The following CALN1 variants were observed in gnomAD, a reference collection of about 807,000 sequenced individuals.
CALN1 encodes calneuron 1.
In CALN1, 17 loss-of-function variants were observed where a neutral mutation model predicts 30.6. That is an observed-to-expected ratio of 0.56 (90% CI 0.38 to 0.83). CALN1 has a LOEUF of 0.83. Ranked by LOEUF, CALN1 falls within the 40% of genes least tolerant of loss-of-function variation. CALN1 has a pLI of 0.00. For synonymous variants in CALN1, 156 were observed against 131.4 expected (o/e 1.19, Z -1.28); for missense variants, 291 against 354.9 (o/e 0.82, Z 1.45).
At chr7:71,849,629 C>A (rs1790522315) in intron 5 of CALN1, among the ~76,000 whole-genome samples, 1 of 151,966 alleles carries the variant, frequency 6.6e-6, no homozygotes. Flanking sequence ...AAGAAAAGGT[C>A]TTCTATATTA....
chr7:72,052,213 G>GT (rs1364174444), intron 4 of CALN1, among the ~76,000 whole-genome samples: 2 of 152,262 alleles, frequency 1.3e-5, no homozygotes, highest in East Asian at 3.9e-4. Context: ...GTTTCCTTGT[G>GT]TGGCAGCAAT....
At chr7:72,136,383 T>G (rs4719215) in intron 3 of CALN1, among the ~76,000 whole-genome samples, 27,289 of 151,982 alleles carry the variant, frequency 0.18, 2,661 homozygotes, top group East Asian at 0.29. Context: ...CTTCCTTTCC[T>G]CTCTCAGCCT....
intron 6 of CALN1, among the ~76,000 whole-genome samples, chr7:71,799,990 C>A (rs1787209359): frequency 6.6e-6 from 1 of 152,200 alleles, no homozygotes; most frequent in South Asian, 2.1e-4. Flanking sequence ...CACAGGAGAA[C>A]TGCGAACAGA....
chr7:72,243,059 G>C lies in CALN1; in HGVS notation c.244+35627C>G, dbSNP rs573092954. ...TAACCAGTAATCCAGATAAAGGGAA[G>C]TGATGCGGAGTGAATGCTTGAAGCC... On this transcript the variant is annotated intron_variant, in intron 3 of 6. Transcript: ENST00000395275. 7.9e-5 allele frequency among the ~76,000 whole-genome samples: 12 copies of C among 152,340 alleles called. No individual in the cohort carries two copies. The South Asian group carries it at 2.5e-3, about 32-fold the overall frequency.
chr7:72,209,346 T>C (rs1383040464), intron 3 of CALN1, among the ~76,000 whole-genome samples: 145 of 39,942 alleles, frequency 3.6e-3, no homozygotes, highest in Non-Finnish European at 5.2e-3. Context: ...CCCTCTTTCC[T>C]TCCCTCCTTC....
At chr7:72,048,822 C>T (rs900633327) in intron 4 of CALN1, among the ~76,000 whole-genome samples, 3 of 150,762 alleles carry the variant, frequency 2.0e-5, no homozygotes, top group Non-Finnish European at 3.0e-5. Flanking sequence ...CTCTTTCTTT[C>T]GACAGGGTCT....
At chr7:72,181,110 C>CCA (rs1491092308) in intron 3 of CALN1, among the ~76,000 whole-genome samples, 22 of 28,584 alleles carry the variant, frequency 7.7e-4, no homozygotes, top group Non-Finnish European at 1.7e-3. Flanking sequence ...CCCCCCCCCC[C>CCA]AAAAAAAAAA....
intron 3 of CALN1, among the ~76,000 whole-genome samples, chr7:72,274,785 A>AATGG (rs1797232388): frequency 6.6e-6 from 1 of 152,138 alleles, no homozygotes; most frequent in Non-Finnish European, 1.5e-5. Context: ...AATGAATAAA[A>AATGG]ATGGATGAAT....
intron 6 of CALN1, among the ~76,000 whole-genome samples, chr7:71,800,361 C>A (rs142362015): frequency 2.4e-4 from 37 of 152,260 alleles, no homozygotes; most frequent in South Asian, 1.9e-3. Context: ...GGCTGCCTGG[C>A]CTGTGTCACC....
chr7:72,100,307 A>G (rs1420593443), intron 4 of CALN1, among the ~76,000 whole-genome samples: 1 of 151,742 alleles, frequency 6.6e-6, no homozygotes, highest in Non-Finnish European at 1.5e-5. Context: ...TCAGCCTCCC[A>G]AGTAGCTGGG....
intron 2 of CALN1, among the ~76,000 whole-genome samples, chr7:72,379,748 TTCTA>T (rs925490818): frequency 2.0e-5 from 3 of 152,240 alleles, no homozygotes; most frequent in Non-Finnish European, 4.4e-5. Context: ...TGTTTTAGCA[TTCTA>T]TCTGTCTAAT....
chr7:72,405,583 A>G (rs548939917), intron 1 of CALN1, among the ~76,000 whole-genome samples: 9 of 152,192 alleles, frequency 5.9e-5, no homozygotes, highest in African/African-American at 1.9e-4. Context: ...ACACATGCCT[A>G]TGACTCATCT....
intron 5 of CALN1, among the ~76,000 whole-genome samples, chr7:71,930,360 T>C (rs923344839): frequency 2.0e-5 from 3 of 152,230 alleles, no homozygotes; most frequent in Admixed American, 1.3e-4. Flanking sequence ...ACTGGCCTTT[T>C]GTGTATCTTC....
At chr7:72,397,712 T>TCACACA (rs1248212217) in intron 2 of CALN1, among the ~76,000 whole-genome samples, 1,743 of 70,218 alleles carry the variant, frequency 0.025, 24 homozygotes, top group African/African-American at 0.06. Flanking sequence ...ACCCATTCTC[T>TCACACA]CTCACACACA....
rs1809517376 is a variant in CALN1 at position 72,136,411 on chromosome 7, G to T, written c.245-30117C>A. Among the ~76,000 whole-genome samples, 2 of 152,010 alleles carry T rather than the reference G, an allele frequency of 1.3e-5. 1 individual carries two copies. ...CTCAGCCTTCATAGAATTGAAAAGA[G>T]TTGGGGCCTTGCTCACTCTGGATTA... is the stretch of plus-strand genomic sequence containing the variant. On this transcript the variant is annotated intron_variant, in intron 3 of 6. Transcript: ENST00000395275.
At chr7:72,453,997 T>A in the CALN1 span, among the ~76,000 whole-genome samples, 197 of 147,700 alleles carry the variant, frequency 1.3e-3, 1 homozygote, top group African/African-American at 4.3e-3. Flanking sequence ...CCAAAAAATA[T>A]ATATATATAT....
intron 5 of CALN1, among the ~76,000 whole-genome samples, chr7:71,869,192 T>C (rs1791774815): frequency 6.6e-6 from 1 of 152,114 alleles, no homozygotes; most frequent in Non-Finnish European, 1.5e-5. Context: ...CATTCAACTT[T>C]TTCAAGACCT....
intron 2 of CALN1, among the ~76,000 whole-genome samples, chr7:72,291,373 G>A (rs1332811276): frequency 2.0e-5 from 3 of 152,148 alleles, no homozygotes; most frequent in Admixed American, 6.5e-5. Context: ...GTTGAGGGGA[G>A]GAACCCCAGC....
chr7:72,147,713 G>T (rs1168768010), intron 3 of CALN1, among the ~76,000 whole-genome samples: 4 of 151,968 alleles, frequency 2.6e-5, no homozygotes, highest in African/African-American at 9.7e-5. Flanking sequence ...GTCCAACAAT[G>T]ATAGACTGGA....
Sources: gnomAD v4.1 joint callset for allele counts (sites outside exome capture counted in the v4.1 genomes callset) on GRCh38, gnomAD v4.1.1 for gene constraint, MANE v1.5 for transcripts, NCBI Gene and HGNC (gene_info 2026-07-23, HGNC 2026-07-21) for gene names.